The following DOCK1 variants were observed in gnomAD, a reference collection of about 807,000 sequenced individuals.
DOCK1 encodes the protein dedicator of cytokinesis 1.
In DOCK1, 138 loss-of-function variants were observed where a neutral mutation model predicts 262.7. The ratio of observed to expected loss-of-function variants is 0.53; its 90% CI spans 0.46 to 0.61. The LOEUF (loss-of-function observed/expected upper bound fraction) is 0.61, where lower values mean the gene tolerates loss of function less well. DOCK1 is among the 20% of genes least tolerant of loss of function. DOCK1 has a pLI of 0.00. For synonymous variants in DOCK1, 866 were observed against 867.4 expected (o/e 1.00, Z 0.03); for missense variants, 1,908 against 2,370.7 (o/e 0.80, Z 4.05).
intron 27 of DOCK1, among the ~76,000 whole-genome samples, chr10:127,245,551 T>C (rs1397088978): frequency 6.6e-6 from 1 of 152,240 alleles, no homozygotes; most frequent in Non-Finnish European, 1.5e-5. Flanking sequence ...ACTTGTTTTA[T>C]GGAAATTGCT....
chr10:126,938,200 C>T (rs1284171791), intron 1 of DOCK1, among the ~76,000 whole-genome samples: 1 of 152,112 alleles, frequency 6.6e-6, no homozygotes, highest in Non-Finnish European at 1.5e-5. Context: ...GCATGCACCA[C>T]CACGCCTGGC....
chr10:127,263,481 AT>A (rs1322878840), intron 29 of DOCK1, among the ~76,000 whole-genome samples: 6 of 132,404 alleles, frequency 4.5e-5, no homozygotes, highest in African/African-American at 1.8e-4. Context: ...ATGGCCTGAC[AT>A]TATAGCTGTG....
intron 1 of DOCK1, among the ~76,000 whole-genome samples, chr10:126,970,452 A>G (rs892513108): frequency 2.0e-5 from 3 of 152,194 alleles, no homozygotes; most frequent in Admixed American, 1.3e-4. Context: ...ACTGTTAACA[A>G]TGTCTTCTTA....
chr10:127,029,263 G>A (rs1261060433), intron 16 of DOCK1, among the ~76,000 whole-genome samples: 4 of 152,282 alleles, frequency 2.6e-5, no homozygotes, highest in Admixed American at 6.5e-5. Context: ...CATGGCCTTC[G>A]GGGCCTCCCC....
At chr10:127,227,612 ACC>A (rs2058691842) in intron 27 of DOCK1, among the ~76,000 whole-genome samples, 1 of 152,194 alleles carries the variant, frequency 6.6e-6, no homozygotes, top group Non-Finnish European at 1.5e-5. Flanking sequence ...CCCCTTCTGC[ACC>A]TGAAAGGGTT....
At chr10:127,354,533 A>C in intron 31 of DOCK1, 136 bp from the exon 32 acceptor site, 6 of 920,146 alleles carry the variant, frequency 6.5e-6, no homozygotes, top group Non-Finnish European at 4.9e-6. Context: ...TTTGGTGGCA[A>C]GAGAAGTTGA....
intron 1 of DOCK1, among the ~76,000 whole-genome samples, chr10:126,962,928 A>AC (rs1392323217): frequency 3.3e-5 from 5 of 150,506 alleles, no homozygotes; most frequent in African/African-American, 1.2e-4. Flanking sequence ...ATCCAACTTC[A>AC]TTTTTTTTTG....
At chr10:127,219,021 G>A (rs1170086307) in intron 27 of DOCK1, among the ~76,000 whole-genome samples, 1 of 152,206 alleles carries the variant, frequency 6.6e-6, no homozygotes, top group Non-Finnish European at 1.5e-5. Context: ...CTTAAAGGAT[G>A]CACTTCTTAA....
At chr10:126,981,856 T>A in intron 3 of DOCK1, 62 bp from the exon 4 acceptor site, 1 of 1,547,578 alleles carries the variant, frequency 6.5e-7, no homozygotes, top group East Asian at 2.3e-5. Flanking sequence ...GAACTATTGT[T>A]TGATTTACAT....
intron 13 of DOCK1, among the ~76,000 whole-genome samples, chr10:127,022,773 C>T (rs1383556041): frequency 6.6e-6 from 1 of 152,144 alleles, no homozygotes. Context: ...GGCAACCTTG[C>T]CAGTTACCTG....
At chr10:126,961,557 G>A (rs2037221997) in intron 1 of DOCK1, among the ~76,000 whole-genome samples, 1 of 152,144 alleles carries the variant, frequency 6.6e-6, no homozygotes, top group African/African-American at 2.4e-5. Flanking sequence ...TTGACAACTC[G>A]AGGAAGAGGA....
chr10:127,129,549 G>T (rs954644995), intron 27 of DOCK1, among the ~76,000 whole-genome samples: 1 of 152,210 alleles, frequency 6.6e-6, no homozygotes, highest in African/African-American at 2.4e-5. Context: ...AGAAGGATTT[G>T]CAGTGACTCC....
intron 10 of DOCK1, among the ~76,000 whole-genome samples, chr10:127,004,813 C>T (rs2040890158): frequency 7.2e-6 from 1 of 138,846 alleles, no homozygotes; most frequent in African/African-American, 2.7e-5. Flanking sequence ...TTGCACAAGC[C>T]CCACTCCTGT....
chr10:127,190,091 A>G (rs1403776397), intron 27 of DOCK1, among the ~76,000 whole-genome samples: 1 of 152,132 alleles, frequency 6.6e-6, no homozygotes, highest in East Asian at 1.9e-4. Context: ...AGTGAGATAC[A>G]TTTTCTCAAT....
intron 1 of DOCK1, among the ~76,000 whole-genome samples, chr10:126,909,767 C>T (rs77478344): frequency 5.9e-5 from 9 of 152,134 alleles, no homozygotes; most frequent in East Asian, 3.8e-4. Flanking sequence ...TTTAGCCCTG[C>T]GTTTAAGATA....
intron 27 of DOCK1, among the ~76,000 whole-genome samples, chr10:127,160,127 G>C (rs2053465452): frequency 1.4e-5 from 2 of 144,214 alleles, no homozygotes; most frequent in South Asian, 4.3e-4. Context: ...TTGGTTAAAA[G>C]GTCAGGAAAG....
chr10:127,032,394 T>G, intron 18 of DOCK1, 74 bp downstream of exon 18: 2 of 1,430,534 alleles, frequency 1.4e-6, no homozygotes, highest in Non-Finnish European at 9.2e-7. Flanking sequence ...CTCCTTCCTA[T>G]GTGGAGGTGT....
intron 19 of DOCK1, among the ~76,000 whole-genome samples, chr10:127,038,051 T>C (rs1007126562): frequency 3.3e-5 from 5 of 151,788 alleles, no homozygotes; most frequent in Non-Finnish European, 7.4e-5. Flanking sequence ...CTGACCAACA[T>C]GGAGAAACCC....
chr10:126,994,334 G>A (rs1591568424), intron 6 of DOCK1, among the ~76,000 whole-genome samples: 1 of 151,790 alleles, frequency 6.6e-6, no homozygotes, highest in Non-Finnish European at 1.5e-5. Flanking sequence ...TTTATTTTTA[G>A]TATTTATTGA....
Sources: gnomAD v4.1 joint callset for allele counts (sites outside exome capture counted in the v4.1 genomes callset) on GRCh38, gnomAD v4.1.1 for gene constraint, MANE v1.5 for transcripts, NCBI Gene and HGNC (gene_info 2026-07-23, HGNC 2026-07-21) for gene names.